Variants in CSMD1 observed in about 807,000 individuals in gnomAD.
CSMD1 encodes CUB and Sushi multiple domains 1, also known as CUB and sushi domain-containing protein 1.
A neutral mutation model predicts 417.5 loss-of-function variants in CSMD1; 213 were observed. The ratio of observed to expected loss-of-function variants is 0.51; its 90% CI spans 0.46 to 0.57. The LOEUF (loss-of-function observed/expected upper bound fraction) is 0.57, where lower values mean the gene tolerates loss of function less well. Ranked by LOEUF, CSMD1 falls within the 20% of genes least tolerant of loss-of-function variation. The probability of loss-of-function intolerance (pLI) is 0.00; values close to 1 mark genes in which losing one functional copy is unlikely to be tolerated. For missense variants in CSMD1, 6,923 were observed against 4,529.7 expected, an observed-to-expected ratio of 1.53 and a Z score of -15.17; for synonymous variants, 2,862 against 1,736.8, an observed-to-expected ratio of 1.65 and a Z score of -16.11.
intron 5 of CSMD1, among the ~76,000 whole-genome samples, chr8:3,895,266 C>T (rs186212483): frequency 5.9e-5 from 9 of 152,238 alleles, no homozygotes; most frequent in African/African-American, 2.2e-4. Flanking sequence ...AAGAGATGGT[C>T]TACTGCTTTC....
At position 4,615,999 on chromosome 8, in the gene CSMD1, C is replaced by T. The variant is rs144891478; in HGVS notation, c.302+21343G>A. Among the ~76,000 whole-genome samples the T allele has an allele frequency of 1.5e-4, 23 of 152,226 alleles. No homozygotes were observed. In the East Asian group the frequency reaches 2.3e-3, roughly 15 times the overall value. Reference sequence around the variant, plus strand: ...TCTGTAAAAAACCACATCACCTTTTCGGTTAGATAATTCTCAAAGCAATTT... The same window carrying T: ...TCTGTAAAAAACCACATCACCTTTTTGGTTAGATAATTCTCAAAGCAATTT... On this transcript the variant is annotated intron_variant, in intron 2 of 69. Transcript: ENST00000635120.
intron 49 of CSMD1, among the ~76,000 whole-genome samples, chr8:3,054,901 A>C (rs532244570): frequency 6.6e-6 from 1 of 152,278 alleles, no homozygotes; most frequent in South Asian, 2.1e-4. Context: ...TATTCATCTT[A>C]ATTTCCTGAA....
chr8:3,534,128 C>T (rs371571641), intron 10 of CSMD1, among the ~76,000 whole-genome samples: 4 of 152,194 alleles, frequency 2.6e-5, no homozygotes. Context: ...CGCTCTCACT[C>T]ATATGCACTG....
At chr8:2,986,813 A>G (rs1805951348) in intron 54 of CSMD1, among the ~76,000 whole-genome samples, 1 of 152,000 alleles carries the variant, frequency 6.6e-6, no homozygotes, top group Non-Finnish European at 1.5e-5. Context: ...TCTCTAGTTC[A>G]TTTTTTACCA....
At chr8:4,072,670 T>C (rs1799620740) in intron 3 of CSMD1, among the ~76,000 whole-genome samples, 1 of 152,230 alleles carries the variant, frequency 6.6e-6, no homozygotes, top group African/African-American at 2.4e-5. Context: ...CCTTTATTTC[T>C]GTGGATCTCC....
At chr8:3,815,532 A>G (rs1385002913) in intron 5 of CSMD1, among the ~76,000 whole-genome samples, 1 of 127,460 alleles carries the variant, frequency 7.8e-6, no homozygotes, top group Non-Finnish European at 1.6e-5. Flanking sequence ...ATATCAAACA[A>G]AATAAAAGAA....
intron 1 of CSMD1, among the ~76,000 whole-genome samples, chr8:4,766,080 T>C (rs150741895): frequency 5.9e-5 from 9 of 152,306 alleles, no homozygotes; most frequent in African/African-American, 1.9e-4. Flanking sequence ...GAAAGACATT[T>C]TTTCAAAGGT....
chr8:4,314,458 A>C (rs1330721692), intron 3 of CSMD1, among the ~76,000 whole-genome samples: 1 of 152,188 alleles, frequency 6.6e-6, no homozygotes, highest in African/African-American at 2.4e-5. Context: ...AATATAAGCC[A>C]ATTTCAATTG....
At chr8:4,516,204 C>T (rs1269063557) in intron 2 of CSMD1, among the ~76,000 whole-genome samples, 4 of 152,076 alleles carry the variant, frequency 2.6e-5, no homozygotes, top group Non-Finnish European at 4.4e-5. Context: ...AGAACCCAGA[C>T]ACACACAGAG....
At chr8:4,186,460 A>G (rs1056384075) in intron 3 of CSMD1, among the ~76,000 whole-genome samples, 4 of 152,180 alleles carry the variant, frequency 2.6e-5, no homozygotes, top group Non-Finnish European at 5.9e-5. Context: ...CTTGTAAAAT[A>G]AGGATGCTAA....
chr8:3,541,029 G>C (rs1168386670), intron 10 of CSMD1, among the ~76,000 whole-genome samples: 1 of 152,162 alleles, frequency 6.6e-6, no homozygotes, highest in Non-Finnish European at 1.5e-5. Flanking sequence ...CCATTACTGG[G>C]TATATACCCA....
At chr8:4,438,977 C>CA (rs1187327263) in intron 2 of CSMD1, among the ~76,000 whole-genome samples, 4 of 152,208 alleles carry the variant, frequency 2.6e-5, no homozygotes, top group Non-Finnish European at 4.4e-5. Flanking sequence ...AGCGCTTCAT[C>CA]AGTCCTAGAC....
chr8:4,920,999 GAAAGAAAGAAAGA>G (rs774705608), intron 1 of CSMD1, among the ~76,000 whole-genome samples: 37,091 of 63,746 alleles, frequency 0.58, 11,012 homozygotes, highest in Admixed American at 0.68. Context: ...AGAAAGAAAA[GAAAGAAAGAAAGA>G]AAAGAAAGAA....
chr8:3,369,217 T>C (rs1436995228), intron 19 of CSMD1, 37 bp downstream of exon 19: 2 of 994,206 alleles, frequency 2.0e-6, no homozygotes, highest in Non-Finnish European at 3.2e-6. Context: ...GTCTCATTTA[T>C]TAGTCTGTAT....
intron 21 of CSMD1, among the ~76,000 whole-genome samples, chr8:3,349,381 T>G (rs193175997): frequency 6.6e-6 from 1 of 152,172 alleles, no homozygotes; most frequent in African/African-American, 2.4e-5. Context: ...GATCCATGAT[T>G]GCCCCCCAGT....
intron 7 of CSMD1, among the ~76,000 whole-genome samples, chr8:3,629,199 G>C (rs979896164): frequency 2.6e-5 from 4 of 152,090 alleles, no homozygotes; most frequent in Non-Finnish European, 4.4e-5. Flanking sequence ...AAGGGGAACA[G>C]CTTCAACTGA....
At chr8:3,307,942 A>C in intron 24 of CSMD1, 121 bp from the exon 25 acceptor site, 1 of 1,092,046 alleles carries the variant, frequency 9.2e-7, no homozygotes, top group Non-Finnish European at 1.3e-6. Flanking sequence ...AAGAATCACC[A>C]TCATCTCTCT....
intron 2 of CSMD1, among the ~76,000 whole-genome samples, chr8:4,541,005 C>T (rs117569588): frequency 1.3e-5 from 2 of 152,300 alleles, no homozygotes; most frequent in African/African-American, 4.8e-5. Context: ...AGCTCAAACT[C>T]TTTAAATGCC....
chr8:3,749,798 T>C (rs1355337820), intron 6 of CSMD1, among the ~76,000 whole-genome samples: 1 of 152,070 alleles, frequency 6.6e-6, no homozygotes, highest in East Asian at 1.9e-4. Context: ...AGGTAGTTTC[T>C]CTCTTTCCAT....
Sources: allele counts gnomAD v4.1 joint callset (sites outside exome capture counted in the v4.1 genomes callset), GRCh38; gene constraint gnomAD v4.1.1; transcripts MANE v1.5; gene names NCBI Gene and HGNC (gene_info 2026-07-23, HGNC 2026-07-21).